The following MBNL2 variants were observed in gnomAD, a reference collection of about 807,000 sequenced individuals.
MBNL2 encodes the protein muscleblind like splicing regulator 2.
Under a neutral mutation model 41.9 loss-of-function variants are expected in MBNL2, and 17 were observed. That is an observed-to-expected ratio of 0.41 (90% confidence interval 0.28 to 0.61). The LOEUF is 0.61. Among genes scored for constraint, MBNL2 ranks in the 20% least tolerant of loss-of-function variants. The pLI, the probability that MBNL2 is intolerant of heterozygous loss-of-function variation, is 0.35. For synonymous variants in MBNL2, 195 were observed against 182.9 expected, an observed-to-expected ratio of 1.07 and a Z score of -0.53; for missense variants, 336 against 505.6, an observed-to-expected ratio of 0.66 and a Z score of 3.22.
At chr13:97,260,842 T>C (rs2048479369) in intron 1 of MBNL2, among the ~76,000 whole-genome samples, 1 of 152,162 alleles carries the variant, frequency 6.6e-6, no homozygotes, top group African/African-American at 2.4e-5. Flanking sequence ...TCCACAGATA[T>C]GCTAACCTCC....
chr13:97,283,558 T>C (rs900849365), intron 2 of MBNL2, among the ~76,000 whole-genome samples: 1 of 152,150 alleles, frequency 6.6e-6, no homozygotes, highest in Non-Finnish European at 1.5e-5. Context: ...TAAGAATTAA[T>C]CAAAACTAAG....
chr13:97,205,835 G>A, the MBNL2 span, among the ~76,000 whole-genome samples: 4 of 152,162 alleles, frequency 2.6e-5, no homozygotes, highest in Non-Finnish European at 4.4e-5. Context: ...TTACATGCAC[G>A]ACTGATGTTA....
At chr13:97,354,694 T>A (rs1413403627) in intron 5 of MBNL2, among the ~76,000 whole-genome samples, 1 of 152,256 alleles carries the variant, frequency 6.6e-6, no homozygotes, top group East Asian at 1.9e-4. Context: ...TATTTTTCAT[T>A]GTACTTGGAG....
chr13:97,209,580 C>G, the MBNL2 span, among the ~76,000 whole-genome samples: 1 of 151,994 alleles, frequency 6.6e-6, no homozygotes, highest in Non-Finnish European at 1.5e-5. Flanking sequence ...TTAGTTAGCC[C>G]CTTTGTCTTC....
chr13:97,325,250 T>C (rs1478217605), intron 2 of MBNL2, among the ~76,000 whole-genome samples: 2 of 152,214 alleles, frequency 1.3e-5, no homozygotes, highest in African/African-American at 4.8e-5. Context: ...ACTGATGGGC[T>C]ATTTTTAGTC....
intron 8 of MBNL2, among the ~76,000 whole-genome samples, chr13:97,374,116 C>A (rs539400668): frequency 3.4e-4 from 47 of 137,912 alleles, no homozygotes; most frequent in Middle Eastern, 4.0e-3. Flanking sequence ...GCCCTGTCAC[C>A]TACGCTGGAG....
the MBNL2 span, among the ~76,000 whole-genome samples, chr13:97,196,906 GAATGTCCCTTT>G: frequency 1.3e-5 from 2 of 152,148 alleles, no homozygotes; most frequent in Non-Finnish European, 2.9e-5. Flanking sequence ...AATTTAAATT[GAATGTCCCTTT>G]AATGTCCCTT....
intron 1 of MBNL2, among the ~76,000 whole-genome samples, chr13:97,258,534 A>G (rs952161454): frequency 3.9e-5 from 6 of 152,196 alleles, no homozygotes; most frequent in African/African-American, 7.2e-5. Context: ...GAAGTCAAAT[A>G]GTGGAAATTA....
At chr13:97,356,739 T>C in intron 5 of MBNL2, 57 bp from the exon 6 acceptor site, 1 of 1,072,702 alleles carries the variant, frequency 9.3e-7, no homozygotes, top group South Asian at 1.3e-5. Flanking sequence ...TGTATGTTAA[T>C]TCGCTTGAAT....
At chr13:97,153,310 CGTGTGTGTGA>C in the MBNL2 span, among the ~76,000 whole-genome samples, 1 of 150,810 alleles carries the variant, frequency 6.6e-6, no homozygotes, top group Non-Finnish European at 1.5e-5. Context: ...TGTGTTTGAG[CGTGTGTGTGA>C]GTGTGTGTGT....
At chr13:97,302,334 A>C (rs1311104544) in intron 2 of MBNL2, among the ~76,000 whole-genome samples, 1 of 152,124 alleles carries the variant, frequency 6.6e-6, no homozygotes, top group Non-Finnish European at 1.5e-5. Flanking sequence ...ACAGAGCGTT[A>C]CCTCTGTATT....
intron 1 of MBNL2, among the ~76,000 whole-genome samples, chr13:97,228,391 T>C (rs1392237455): frequency 6.6e-6 from 1 of 152,078 alleles, no homozygotes; most frequent in Non-Finnish European, 1.5e-5. Context: ...AAGGTGGAGG[T>C]AGGAGATTAA....
chr13:97,281,970 T>TA lies in MBNL2; in HGVS notation c.174+5564dup, dbSNP rs555122287. Among the ~76,000 whole-genome samples, 458 of 152,022 alleles carry TA rather than the reference T, an allele frequency of 3.0e-3. 2 individuals carry two copies. The highest frequency in any genetic ancestry group is 0.011 in the African/African-American group (440 of 41,476). On this transcript the variant is annotated intron_variant, in intron 2 of 8. Transcript: ENST00000679496. ...CCTTCTCGTAACTGCTCTTACTGAA[T>TA]AAATCACTGATGTGGTTAATTTCAA...
chr13:97,230,899 T>A (rs1285521014), intron 1 of MBNL2, among the ~76,000 whole-genome samples: 1 of 152,226 alleles, frequency 6.6e-6, no homozygotes, highest in Non-Finnish European at 1.5e-5. Flanking sequence ...TAGCTGTATC[T>A]CTCGTATATA....
rs1052153809 is a variant in MBNL2 at position 97,393,365 on chromosome 13, T to C, written c.*1916T>C. On this transcript the variant is annotated 3_prime_UTR_variant, in exon 9 of 9. Transcript: ENST00000679496. ...TATGGGAATCACTGAAATATTTTTGTAGATTAATTGTTGTAACATTGTCTT... is the reference window on the plus strand; with the variant it reads ...TATGGGAATCACTGAAATATTTTTGCAGATTAATTGTTGTAACATTGTCTT... The C allele has an allele frequency of 1.3e-5, 2 of 152,380 alleles. No individual in the cohort carries two copies. Among genetic ancestry groups the C allele is most frequent in the African/African-American group, 2.4e-5 (1 of 41,466 alleles). The allele number at this position is 152,380 out of a possible 1,614,324, so 9.4% of individuals were successfully genotyped here. A position where few individuals can be genotyped will look rare whatever the true frequency, so the allele number is the denominator to read the frequency against.
intron 2 of MBNL2, among the ~76,000 whole-genome samples, chr13:97,281,627 G>C (rs2053448323): frequency 6.6e-6 from 1 of 152,128 alleles, no homozygotes; most frequent in Non-Finnish European, 1.5e-5. Flanking sequence ...CTCCTTAATA[G>C]CAGTGAATTC....
At position 97,366,785 on chromosome 13, in the gene MBNL2, A is replaced by G. The variant is rs2063878898; in HGVS notation, c.1048+1614A>G. On this transcript the variant is annotated intron_variant, in intron 8 of 8. Coordinates refer to ENST00000679496, the MANE Select transcript of MBNL2 (RefSeq NM_001382683.1). This position sits in a 1 kb window ranked among gnomAD's most constrained non-coding sequence, Gnocchi z 4.7. Reference sequence around the variant, plus strand: ...TGTTGCACTGTTTGTTTTCGTACCTAATATTGTGTAATTAACCTGACAGGC... The same window carrying G: ...TGTTGCACTGTTTGTTTTCGTACCTGATATTGTGTAATTAACCTGACAGGC... The G allele has an allele frequency of 1.8e-6, 1 of 571,104 alleles. No homozygotes were observed. Among genetic ancestry groups the G allele is most frequent in the Non-Finnish European group, 3.1e-6 (1 of 319,056 alleles). 35.4% of individuals were successfully genotyped at this position (571,104 alleles called of 1,614,324 possible).
At chr13:97,291,919 T>TAAAAAAAAAAAAA (rs1594165236) in intron 2 of MBNL2, among the ~76,000 whole-genome samples, 1 of 23,646 alleles carries the variant, frequency 4.2e-5, no homozygotes, top group Non-Finnish European at 7.8e-5. Context: ...AAAAAAAAAG[T>TAAAAAAAAAAAAA]GGGCTGGGTG....
chr13:97,187,846 C>T, the MBNL2 span, among the ~76,000 whole-genome samples: 25 of 150,754 alleles, frequency 1.7e-4, no homozygotes, highest in South Asian at 2.1e-4. Context: ...ACGGCGGAGC[C>T]TGCAGTGAGC....
Sources: gnomAD v4.1 joint callset for allele counts (sites outside exome capture counted in the v4.1 genomes callset) on GRCh38, gnomAD v4.1.1 for gene constraint, Gnocchi (gnomAD v3.1) non-coding constraint, MANE v1.5 for transcripts, NCBI Gene and HGNC (gene_info 2026-07-23, HGNC 2026-07-21) for gene names.